Variants in MVB12B observed in about 807,000 individuals in gnomAD.
MVB12B encodes multivesicular body subunit 12B.
A neutral mutation model predicts 41.6 loss-of-function variants in MVB12B; 16 were observed. That is an observed-to-expected ratio of 0.38 (90% CI 0.26 to 0.58). The LOEUF (loss-of-function observed/expected upper bound fraction) is 0.58. Among genes scored for constraint, MVB12B ranks in the 20% least tolerant of loss-of-function variants. The pLI is 0.62. For missense variants in MVB12B, 274 were observed against 380.2 expected, an observed-to-expected ratio of 0.72 and a Z score of 2.32; for synonymous variants, 133 against 139.7, an observed-to-expected ratio of 0.95 and a Z score of 0.34.
Position 126,464,908 on chromosome 9 carries a change from T to A in MVB12B, c.758-16461T>A, listed in dbSNP as rs1376288177. Among the ~76,000 whole-genome samples the A allele has an allele frequency of 2.0e-5, 3 of 152,222 alleles. No individual in the cohort carries two copies. In the South Asian group the frequency reaches 6.2e-4, roughly 32 times the overall value. On this transcript the variant is annotated intron_variant, in intron 7 of 9. Transcript: ENST00000361171. ...AGTGCCAGGGCCATTGTGAGGTTTA[T>A]ACGAGAACACCTGTTACTCCCGGCG... is the stretch of plus-strand genomic sequence containing the variant.
chr9:126,442,736 A>C (rs925112809), intron 7 of MVB12B, among the ~76,000 whole-genome samples: 4 of 152,150 alleles, frequency 2.6e-5, no homozygotes, highest in African/African-American at 9.7e-5. Flanking sequence ...ACCTGGAAGA[A>C]ACAACCAGTG....
At chr9:126,496,154 T>G (rs1396505584) in intron 9 of MVB12B, among the ~76,000 whole-genome samples, 1 of 151,844 alleles carries the variant, frequency 6.6e-6, no homozygotes, top group Admixed American at 6.6e-5. Flanking sequence ...GCCCAGAGCC[T>G]GATGTGTCTC....
intron 7 of MVB12B, among the ~76,000 whole-genome samples, chr9:126,430,342 G>C (rs1282581009): frequency 1.3e-5 from 2 of 151,876 alleles, no homozygotes; most frequent in African/African-American, 4.8e-5. Context: ...CTTGCGCTAT[G>C]CTTGCCCCGC....
At chr9:126,487,086 G>A (rs973468588) in intron 9 of MVB12B, among the ~76,000 whole-genome samples, 19 of 152,368 alleles carry the variant, frequency 1.2e-4, no homozygotes, top group Admixed American at 1.2e-3. Flanking sequence ...AGGAGGTGCA[G>A]AGCCAGGGGT....
intron 2 of MVB12B, among the ~76,000 whole-genome samples, chr9:126,371,904 T>A (rs1384029453): frequency 6.6e-6 from 1 of 152,172 alleles, no homozygotes; most frequent in Non-Finnish European, 1.5e-5. Flanking sequence ...TACCACAAAG[T>A]TCACTTTTTA....
intron 6 of MVB12B, among the ~76,000 whole-genome samples, chr9:126,413,497 T>G (rs775828553): frequency 4.6e-5 from 7 of 152,194 alleles, no homozygotes; most frequent in Non-Finnish European, 8.8e-5. Context: ...TCCTCAAATC[T>G]CAAAAAGGGA....
chr9:126,395,704 C>A lies in MVB12B; in HGVS notation c.662+7C>A. 1.2e-6 allele frequency: 2 copies of A among 1,613,878 alleles called. No individual in the cohort carries two copies. The highest frequency in any genetic ancestry group is 1.7e-6 in the Non-Finnish European group (2 of 1,179,876). On this transcript the variant is annotated splice_region_variant and intron_variant, in intron 6 of 9. Coordinates refer to ENST00000361171, the MANE Select transcript of MVB12B (RefSeq NM_033446.3). The surrounding 1 kb of genome is among the most constrained non-coding windows in gnomAD (Gnocchi z 4.9). ...CAGCCCCCAACCTTCCCAGGTGAGGCCTTGTCGGGGTGTCTTGCGTTGTCC... is the reference window on the plus strand; with the variant it reads ...CAGCCCCCAACCTTCCCAGGTGAGGACTTGTCGGGGTGTCTTGCGTTGTCC...
intron 6 of MVB12B, chr9:126,397,134 G>A: frequency 1.0e-6 from 1 of 985,540 alleles, no homozygotes; most frequent in Non-Finnish European, 1.2e-6. Context: ...TGCAGAGGCT[G>A]GAAAGCCCCC....
chr9:126,415,702 C>T (rs1831798473), intron 6 of MVB12B, among the ~76,000 whole-genome samples: 2 of 152,014 alleles, frequency 1.3e-5, no homozygotes, highest in Non-Finnish European at 2.9e-5. Flanking sequence ...AGGATTTTCC[C>T]TAATATTTGT....
chr9:126,432,519 A>G (rs1832357039), intron 7 of MVB12B, among the ~76,000 whole-genome samples: 1 of 152,276 alleles, frequency 6.6e-6, no homozygotes, highest in African/African-American at 2.4e-5. Flanking sequence ...CATTATTAAA[A>G]TGGATTAAAT....
At chr9:126,396,437 A>G (rs1368161352) in intron 6 of MVB12B, 2 of 985,426 alleles carry the variant, frequency 2.0e-6, no homozygotes, top group African/African-American at 1.7e-5. Context: ...TGAGGCAGCA[A>G]CACTTAGGGA....
At chr9:126,502,210 A>AT (rs1228975933) in intron 9 of MVB12B, among the ~76,000 whole-genome samples, 1 of 152,122 alleles carries the variant, frequency 6.6e-6, no homozygotes, top group Non-Finnish European at 1.5e-5. Context: ...GTTCCAGGCC[A>AT]TTCCCCATAC....
At chr9:126,375,463 G>A (rs986674457) in intron 2 of MVB12B, among the ~76,000 whole-genome samples, 4 of 125,032 alleles carry the variant, frequency 3.2e-5, no homozygotes, top group Non-Finnish European at 4.6e-5. Context: ...TATTTCTTTC[G>A]AACGAGAAAG....
chr9:126,370,146 C>T (rs747470692), intron 2 of MVB12B, among the ~76,000 whole-genome samples: 3 of 152,036 alleles, frequency 2.0e-5, no homozygotes, highest in Non-Finnish European at 4.4e-5. Flanking sequence ...AAATAATATC[C>T]TTTTGTCTTT....
chr9:126,386,835 G>GC lies in MVB12B; in HGVS notation c.409+178dup. 2.0e-5 allele frequency among the ~76,000 whole-genome samples: 3 copies of GC among 152,290 alleles called. 1 individual carries two copies. The Middle Eastern group carries it at 0.01, about 518-fold the overall frequency. On this transcript the variant is annotated intron_variant, in intron 4 of 9. Transcript: ENST00000361171. This position sits in a 1 kb window ranked among gnomAD's most constrained non-coding sequence, Gnocchi z 4.3. ...TCTGGCTGGGTTCTCCAAGGAGTTT[G>GC]CAGAGTATTCTGGGTAGCAGCATGT... is the stretch of plus-strand genomic sequence containing the variant.
intron 7 of MVB12B, among the ~76,000 whole-genome samples, chr9:126,470,124 G>A (rs928625733): frequency 6.6e-6 from 1 of 152,140 alleles, no homozygotes; most frequent in East Asian, 1.9e-4. Flanking sequence ...ATACCCTTTC[G>A]CGGTAGACCC....
intron 2 of MVB12B, among the ~76,000 whole-genome samples, chr9:126,368,004 TG>T (rs1333967086): frequency 1.3e-5 from 2 of 152,210 alleles, no homozygotes; most frequent in African/African-American, 4.8e-5. Flanking sequence ...TTAGTGATGA[TG>T]GCACATGCTG....
At chr9:126,457,407 C>T (rs1226387716) in intron 7 of MVB12B, among the ~76,000 whole-genome samples, 1 of 152,248 alleles carries the variant, frequency 6.6e-6, no homozygotes, top group Admixed American at 6.5e-5. Flanking sequence ...CCCAACTCCC[C>T]ACTGAGGCAC....
At chr9:126,410,487 G>T (rs1831612561) in intron 6 of MVB12B, among the ~76,000 whole-genome samples, 1 of 152,162 alleles carries the variant, frequency 6.6e-6, no homozygotes, top group Admixed American at 6.5e-5. Context: ...TTGCTGGGTT[G>T]TTTACATTAG....
Sources: gnomAD v4.1 joint callset for allele counts (sites outside exome capture counted in the v4.1 genomes callset) on GRCh38, gnomAD v4.1.1 for gene constraint, Gnocchi (gnomAD v3.1) non-coding constraint, MANE v1.5 for transcripts, NCBI Gene and HGNC (gene_info 2026-07-23, HGNC 2026-07-21) for gene names.